The following CSMD1 variants were observed in gnomAD, a reference collection of about 807,000 sequenced individuals.
CSMD1 encodes the protein CUB and sushi domain-containing protein 1.
CSMD1 carries 213 observed loss-of-function variants against 417.5 expected under a neutral mutation model. The observed-to-expected ratio is 0.51, with a 90% confidence interval of 0.46 to 0.57. The LOEUF is 0.57. Among genes scored for constraint, CSMD1 ranks in the 20% least tolerant of loss-of-function variants. CSMD1 has a pLI of 0.00. For synonymous variants in CSMD1, 2,862 were observed against 1,736.8 expected (o/e 1.65, Z -16.11); for missense variants, 6,923 against 4,529.7 (o/e 1.53, Z -15.17).
chr8:4,075,659 T>C (rs1799782828), intron 3 of CSMD1, among the ~76,000 whole-genome samples: 1 of 152,190 alleles, frequency 6.6e-6, no homozygotes, highest in African/African-American at 2.4e-5. Context: ...ATTGTCTTGA[T>C]TTGTGAGACG....
chr8:3,053,439 GTTCC>G (rs1406496204), intron 49 of CSMD1, among the ~76,000 whole-genome samples: 1 of 151,906 alleles, frequency 6.6e-6, no homozygotes, highest in Non-Finnish European at 1.5e-5. Context: ...CCTTTTTATT[GTTCC>G]TCTCCCCTTC....
At chr8:3,388,348 C>T (rs1811139497) in intron 17 of CSMD1, among the ~76,000 whole-genome samples, 1 of 152,036 alleles carries the variant, frequency 6.6e-6, no homozygotes, top group Non-Finnish European at 1.5e-5. Flanking sequence ...TCTCCTCTCA[C>T]ATTTCTCATT....
intron 2 of CSMD1, among the ~76,000 whole-genome samples, chr8:4,516,848 C>T (rs1803154669): frequency 6.6e-6 from 1 of 151,898 alleles, no homozygotes; most frequent in Non-Finnish European, 1.5e-5. Flanking sequence ...ATGATATAGC[C>T]AATTTTTTTT....
At chr8:3,523,680 C>T (rs1027706081) in intron 10 of CSMD1, among the ~76,000 whole-genome samples, 1 of 151,490 alleles carries the variant, frequency 6.6e-6, no homozygotes, top group African/African-American at 2.4e-5. Flanking sequence ...CACACGTACA[C>T]CCAGAGAGAC....
intron 2 of CSMD1, among the ~76,000 whole-genome samples, chr8:4,597,976 G>A (rs918636455): frequency 6.6e-6 from 1 of 151,288 alleles, no homozygotes; most frequent in African/African-American, 2.4e-5. Context: ...AAATATATGT[G>A]ATTTATTTTT....
At chr8:4,060,333 T>C (rs571679934) in intron 3 of CSMD1, among the ~76,000 whole-genome samples, 4 of 152,322 alleles carry the variant, frequency 2.6e-5, no homozygotes, top group African/African-American at 9.6e-5. Context: ...CCACAGCCGA[T>C]ATCATACTGA....
At chr8:3,183,721 A>G (rs1323549638) in intron 36 of CSMD1, among the ~76,000 whole-genome samples, 2 of 152,210 alleles carry the variant, frequency 1.3e-5, no homozygotes, top group East Asian at 1.9e-4. Flanking sequence ...TACCATTGGC[A>G]TCCATCCACA....
chr8:4,151,806 T>C (rs1009050356), intron 3 of CSMD1, among the ~76,000 whole-genome samples: 7 of 152,186 alleles, frequency 4.6e-5, no homozygotes, highest in African/African-American at 7.2e-5. Context: ...TGAAAAATAA[T>C]TGTTCGAAGT....
At chr8:4,142,941 A>G (rs1803878228) in intron 3 of CSMD1, among the ~76,000 whole-genome samples, 1 of 150,996 alleles carries the variant, frequency 6.6e-6, no homozygotes, top group East Asian at 1.9e-4. Flanking sequence ...TATTTGCATC[A>G]TAAACAGAAA....
intron 5 of CSMD1, among the ~76,000 whole-genome samples, chr8:3,952,426 G>C (rs1213402314): frequency 6.6e-6 from 1 of 152,106 alleles, no homozygotes; most frequent in South Asian, 2.1e-4. Flanking sequence ...GATATGTAAA[G>C]GGTAATTATT....
At chr8:4,033,286 A>T (rs1280611664) in intron 3 of CSMD1, among the ~76,000 whole-genome samples, 3 of 151,686 alleles carry the variant, frequency 2.0e-5, no homozygotes, top group African/African-American at 7.3e-5. Flanking sequence ...TAAAAATACA[A>T]AAAAAATTAG....
At chr8:4,611,484 T>C (rs1432689651) in intron 2 of CSMD1, among the ~76,000 whole-genome samples, 1 of 152,168 alleles carries the variant, frequency 6.6e-6, no homozygotes, top group African/African-American at 2.4e-5. Flanking sequence ...TTTCTTCAAA[T>C]TGCCTAGATA....
At chr8:3,682,262 A>C (rs1211714542) in intron 7 of CSMD1, among the ~76,000 whole-genome samples, 6 of 152,268 alleles carry the variant, frequency 3.9e-5, no homozygotes, top group South Asian at 2.1e-4. Flanking sequence ...GCAACCTAAA[A>C]AATGGGATAA....
intron 1 of CSMD1, among the ~76,000 whole-genome samples, chr8:4,764,872 CAAAA>C (rs1194894751): frequency 2.9e-4 from 15 of 50,940 alleles, no homozygotes; most frequent in South Asian, 8.2e-4. Flanking sequence ...GACTCCATCT[CAAAA>C]AAAAAAAAAA....
chr8:4,571,837 A>G (rs1236282479), intron 2 of CSMD1, among the ~76,000 whole-genome samples: 1 of 152,106 alleles, frequency 6.6e-6, no homozygotes, highest in Non-Finnish European at 1.5e-5. Flanking sequence ...TATATTTAGG[A>G]TTGTTAACTC....
intron 3 of CSMD1, among the ~76,000 whole-genome samples, chr8:4,123,271 T>A (rs1802587581): frequency 6.6e-6 from 1 of 152,194 alleles, no homozygotes; most frequent in Admixed American, 6.5e-5. Context: ...TTTGTAGCTT[T>A]TAGAATATAT....
chr8:4,016,115 A>G (rs1394649173), intron 4 of CSMD1, among the ~76,000 whole-genome samples: 1 of 152,158 alleles, frequency 6.6e-6, no homozygotes, highest in Non-Finnish European at 1.5e-5. Context: ...GGATGGGATC[A>G]TATAAAAGTT....
chr8:4,051,634 G>T (rs577772459), intron 3 of CSMD1, among the ~76,000 whole-genome samples: 2 of 152,110 alleles, frequency 1.3e-5, no homozygotes, highest in African/African-American at 4.8e-5. Context: ...TGGGGCCCTA[G>T]AAAACTATGA....
At chr8:4,244,269 G>A (rs1419165291) in intron 3 of CSMD1, among the ~76,000 whole-genome samples, 1 of 152,300 alleles carries the variant, frequency 6.6e-6, no homozygotes, top group East Asian at 1.9e-4. Context: ...GGCACTGAGA[G>A]CAGGCCCCCG....
Sources: gnomAD v4.1 joint callset for allele counts (sites outside exome capture counted in the v4.1 genomes callset) on GRCh38, gnomAD v4.1.1 for gene constraint, MANE v1.5 for transcripts, NCBI Gene and HGNC (gene_info 2026-07-23, HGNC 2026-07-21) for gene names.